ZNF221: variants seen among roughly 807,000 people sequenced by gnomAD.
ZNF221 encodes zinc finger protein 221.
In ZNF221, 10 loss-of-function variants were observed where a neutral mutation model predicts 12.6. That is an observed-to-expected ratio of 0.79 (90% CI 0.49 to 1.34). The LOEUF (loss-of-function observed/expected upper bound fraction) is 1.34. ZNF221 is among the 40% of genes most tolerant of loss of function. ZNF221 has a pLI of 0.00. For missense variants in ZNF221, 661 were observed against 721.4 expected (o/e 0.92, Z 0.96); for synonymous variants, 232 against 244.0 (o/e 0.95, Z 0.46).
Position 43,959,540 on chromosome 19 carries a change from C to T in ZNF221, c.-2-3185C>T, listed in dbSNP as rs949016731. Among the ~76,000 whole-genome samples, 5 of 152,152 alleles carry T rather than the reference C, an allele frequency of 3.3e-5. No individual in the cohort carries two copies. The East Asian group carries it at 9.6e-4, about 29-fold the overall frequency. Reference sequence around the variant, plus strand: ...CGTCATAAATGGCTTAGTGCTATCCCCTTGGTGATTAGTGAGTTCCTGCTC... The same window carrying T: ...CGTCATAAATGGCTTAGTGCTATCCTCTTGGTGATTAGTGAGTTCCTGCTC... On this transcript the variant is annotated intron_variant, in intron 1 of 4. Coordinates refer to ENST00000587682, the MANE Select transcript of ZNF221 (RefSeq NM_001297588.2).
the ZNF221 span, among the ~76,000 whole-genome samples, chr19:43,978,933 G>GTTTT: frequency 3.5e-5 from 5 of 141,938 alleles, no homozygotes; most frequent in African/African-American, 1.3e-4. Flanking sequence ...GTGTGTGTGT[G>GTTTT]TTTTTTTTTT....
chr19:43,962,614 A>G, intron 1 of ZNF221, 111 bp from the exon 2 acceptor site: 1 of 1,058,994 alleles, frequency 9.4e-7, no homozygotes, highest in East Asian at 2.4e-5. Flanking sequence ...GTTATGAGTA[A>G]TGCTGCTATG....
At chr19:43,970,468 T>C (rs996884471), downstream of ZNF221, among the ~76,000 whole-genome samples, 5 of 152,194 alleles carry the variant, frequency 3.3e-5, no homozygotes, top group Admixed American at 2.6e-4. Flanking sequence ...TGAACTTTGC[T>C]GAGCTAAAGG....
In ZNF221 at chr19:43,964,836, T is replaced by C. The variant is rs545211722; in HGVS notation, c.82-114T>C. 1.2e-5 allele frequency: 17 copies of C among 1,371,768 alleles called. No individual in the cohort carries two copies. The African/African-American group carries it at 2.4e-4, about 20-fold the overall frequency. 85.0% of individuals were successfully genotyped at this position (1,371,768 alleles called of 1,614,324 possible). A position where few individuals can be genotyped will look rare whatever the true frequency, so the allele number is the denominator to read the frequency against. On this transcript the variant is annotated intron_variant, in intron 2 of 4. Transcript: ENST00000587682. The stretch of plus-strand genomic sequence containing the variant: ...TGGGAAATCTGTATGTTGACCTACA[T>C]CCCTCAAGATCTAGGACAACTTACC...
chr19:43,964,395 A>G (rs1188379129), intron 2 of ZNF221, among the ~76,000 whole-genome samples: 1 of 152,230 alleles, frequency 6.6e-6, no homozygotes, highest in Non-Finnish European at 1.5e-5. Flanking sequence ...GTTCCATATC[A>G]TGACATTGAA....
At chr19:43,973,631 T>C in the ZNF221 span, among the ~76,000 whole-genome samples, 2 of 152,192 alleles carry the variant, frequency 1.3e-5, no homozygotes, top group Non-Finnish European at 2.9e-5. Flanking sequence ...AGCCGAATCA[T>C]GAATGAACTC....
chr19:43,979,745 G>A, the ZNF221 span, among the ~76,000 whole-genome samples: 176 of 152,188 alleles, frequency 1.2e-3, no homozygotes, highest in African/African-American at 4.0e-3. Context: ...TTGTTACTCC[G>A]TTTCAACGCT....
downstream of ZNF221, among the ~76,000 whole-genome samples, chr19:43,971,485 C>T (rs562662916): frequency 2.0e-5 from 3 of 152,078 alleles, no homozygotes; most frequent in East Asian, 3.9e-4. Flanking sequence ...GAGCCAAGAC[C>T]GATTGATACG....
At chr19:43,961,597 A>G (rs1395021418) in intron 1 of ZNF221, among the ~76,000 whole-genome samples, 4 of 151,964 alleles carry the variant, frequency 2.6e-5, no homozygotes, top group Non-Finnish European at 4.4e-5. Context: ...CCAAACTCCC[A>G]TATTTAAATT....
At position 43,962,720 on chromosome 19, in the gene ZNF221, T is replaced by G. The variant is rs370296511; in HGVS notation, c.-2-5T>G. 9.3e-6 allele frequency: 15 copies of G among 1,613,826 alleles called. No homozygotes were observed. The highest frequency in any genetic ancestry group is 1.2e-5 in the Non-Finnish European group (14 of 1,179,858). ...TGTTTTTCTGCCTTTCCTGGCACTT[T>G]CCAGGCATGATTTCACCTTCACTTG... On this transcript the variant is annotated splice_region_variant and splice_polypyrimidine_tract_variant and intron_variant, in intron 1 of 4. Transcript: ENST00000587682.
In ZNF221 at chr19:43,965,872, C is replaced by T; in HGVS notation, c.370C>T (p.Gln124Ter). Residue 124 changes from glutamine to a stop codon, truncating the protein, a stop_gained, in exon 5 of 5, where the codon CAA becomes TAA. Transcript: ENST00000587682. LOFTEE classifies it low-confidence loss of function (END_TRUNC). Reference protein sequence around the residue: ...AGPHEEWSCQQIWEQIASDLT... With the variant: ...AGPHEEWSCQ Reference sequence around the variant, plus strand: ...ACCACATGAAGAGTGGTCCTGTCAGCAAATATGGGAACAAATTGCAAGTGA... The same window carrying T: ...ACCACATGAAGAGTGGTCCTGTCAGTAAATATGGGAACAAATTGCAAGTGA... The T allele has an allele frequency of 6.2e-7, 1 of 1,613,876 alleles. No homozygotes were observed. Among genetic ancestry groups the T allele is most frequent in the Non-Finnish European group, 8.5e-7 (1 of 1,179,822 alleles).
intron 1 of ZNF221, among the ~76,000 whole-genome samples, chr19:43,958,934 C>T (rs1297393590): frequency 2.6e-5 from 4 of 151,610 alleles, no homozygotes; most frequent in Admixed American, 1.3e-4. Flanking sequence ...CAGTTTCCTT[C>T]GGGCCTAACA....
rs1256927422 is a variant in ZNF221 at position 43,966,007 on chromosome 19, C to A, written c.505C>A (p.Pro169Thr). 6.2e-7 allele frequency: 1 copy of A among 1,614,214 alleles called. No homozygotes were observed. Among genetic ancestry groups the A allele is most frequent in the Non-Finnish European group, 8.5e-7 (1 of 1,180,024 alleles). ...RLSISHVQQK[P>T]YRCNECKQSF... ...ATCTATAAGTCACGTGCAACAGAAA[C>A]CTTACCGTTGTAATGAATGTAAACA... Residue 169 changes from proline (P) to threonine (T), a missense_variant, in exon 5 of 5, where the codon CCT becomes ACT. Pro to Thr is a conservative substitution (Grantham distance 38). Coordinates refer to ENST00000587682, the MANE Select transcript of ZNF221 (RefSeq NM_001297588.2).
At position 43,964,240 on chromosome 19, in the gene ZNF221, A is replaced by G. The variant is rs114398501; in HGVS notation, c.82-710A>G. Among the ~76,000 whole-genome samples the G allele has an allele frequency of 1.2e-3, 178 of 152,320 alleles. 1 individual carries two copies. The highest frequency in any genetic ancestry group is 4.2e-3 in the African/African-American group (176 of 41,574). On this transcript the variant is annotated intron_variant, in intron 2 of 4. Transcript: ENST00000587682. ...TGCCACACAGTTTTCCCAATGCTAT[A>G]TATATTTCCTTCTTTAATCCTTGAA... is the stretch of plus-strand genomic sequence containing the variant.
At position 43,965,878 on chromosome 19, in the gene ZNF221, T is replaced by C; in HGVS notation, c.376T>C (p.Trp126Arg). Residue 126 changes from tryptophan (W) to arginine (R), a missense_variant, in exon 5 of 5, where the codon TGG becomes CGG. Coordinates refer to ENST00000587682, the MANE Select transcript of ZNF221 (RefSeq NM_001297588.2). ...PHEEWSCQQI[W>R]EQIASDLTRS... is the part of the protein sequence containing the mutation. ...TGAAGAGTGGTCCTGTCAGCAAATA[T>C]GGGAACAAATTGCAAGTGACCTAAC... is the stretch of plus-strand genomic sequence containing the variant. 6.2e-7 allele frequency: 1 copy of C among 1,614,050 alleles called. No individual in the cohort carries two copies. The highest frequency in any genetic ancestry group is 1.3e-5 in the African/African-American group (1 of 75,038).
rs753151141 is a variant in ZNF221, at chr19:43,965,880, G to A, written c.378G>A (p.Trp126Ter). The change falls in exon 5 of 5, where the codon TGG becomes TGA. Residue 126 changes from tryptophan to a stop codon, truncating the protein, a stop_gained. Coordinates refer to ENST00000587682, the MANE Select transcript of ZNF221 (RefSeq NM_001297588.2). LOFTEE classifies it low-confidence loss of function (END_TRUNC). ...AAGAGTGGTCCTGTCAGCAAATATG[G>A]GAACAAATTGCAAGTGACCTAACCA... ...PHEEWSCQQI[W>*]EQIASDLTRS... 8 of 1,613,930 alleles carry A rather than the reference G, an allele frequency of 5.0e-6. No homozygotes were observed. In the African/African-American group the frequency reaches 9.3e-5, roughly 19 times the overall value.
rs755599598 is a variant in ZNF221 at position 43,965,937 on chromosome 19, G to A, written c.435G>A (p.Gln145=). The stretch of plus-strand genomic sequence containing the variant: ...AAAACTCCATAAGGAACAGCTCTCA[G>A]TTCTTCAAAGAAGGTGATGTCCCCT... ...RSQNSIRNSS[Q]FFKEGDVPCQ... Residue 145 remains glutamine (Q), a synonymous_variant, in exon 5 of 5, where the codon CAG becomes CAA. Coordinates refer to ENST00000587682, the MANE Select transcript of ZNF221 (RefSeq NM_001297588.2). 6 of 1,614,222 alleles carry A rather than the reference G, an allele frequency of 3.7e-6. No homozygotes were observed. In the Admixed American group the frequency reaches 6.7e-5, roughly 18 times the overall value.
chr19:43,978,467 T>C, the ZNF221 span: 2 of 152,184 alleles, frequency 1.3e-5, no homozygotes, highest in African/African-American at 4.8e-5. Flanking sequence ...AAAAGAAAAT[T>C]CATCAGATTA....
chr19:43,980,346 A>G, the ZNF221 span, among the ~76,000 whole-genome samples: 1 of 152,250 alleles, frequency 6.6e-6, no homozygotes, highest in Non-Finnish European at 1.5e-5. Context: ...AGTCCAGTTT[A>G]CAAATCCACA....
Sources: gnomAD v4.1 joint callset for allele counts (sites outside exome capture counted in the v4.1 genomes callset) on GRCh38, gnomAD v4.1.1 for gene constraint, MANE v1.5 for transcripts, NCBI Gene and HGNC (gene_info 2026-07-23, HGNC 2026-07-21) for gene names.